Variants in NAALADL2 observed in about 807,000 individuals in gnomAD.
The protein encoded by NAALADL2 is inactive N-acetylated-alpha-linked acidic dipeptidase-like protein 2.
A neutral mutation model predicts 87.2 loss-of-function variants in NAALADL2; 76 were observed. The observed-to-expected ratio is 0.87, with a 90% confidence interval of 0.72 to 1.05. The LOEUF (loss-of-function observed/expected upper bound fraction) is 1.05. NAALADL2 is among the 50% of genes least tolerant of loss of function. NAALADL2 has a pLI of 0.00. For missense variants in NAALADL2, 1,089 were observed against 945.8 expected, an observed-to-expected ratio of 1.15 and a Z score of -1.99; for synonymous variants, 354 against 331.0, an observed-to-expected ratio of 1.07 and a Z score of -0.75.
At chr3:174,679,194 G>C (rs1215976625) in intron 2 of NAALADL2, among the ~76,000 whole-genome samples, 1 of 151,944 alleles carries the variant, frequency 6.6e-6, no homozygotes, top group Non-Finnish European at 1.5e-5. Context: ...TCTTCACCCT[G>C]TAAGTCTGAA....
chr3:174,750,107 ATTGT>A (rs1223588571), intron 3 of NAALADL2, among the ~76,000 whole-genome samples: 1 of 152,136 alleles, frequency 6.6e-6, no homozygotes. Context: ...AGTAATTACT[ATTGT>A]TTGTTTTATA....
intron 2 of NAALADL2, among the ~76,000 whole-genome samples, chr3:174,615,297 T>A (rs1720347592): frequency 6.6e-6 from 1 of 152,192 alleles, no homozygotes; most frequent in South Asian, 2.1e-4. Context: ...TAGAGAGCCG[T>A]CTTCTAGTGA....
chr3:175,031,304 T>G (rs2108913100), intron 1 of NAALADL2, among the ~76,000 whole-genome samples: 1 of 152,088 alleles, frequency 6.6e-6, no homozygotes, highest in East Asian at 1.9e-4. Context: ...GAGTCCCCAG[T>G]GTCTATTGTT....
intron 2 of NAALADL2, among the ~76,000 whole-genome samples, chr3:175,161,294 C>A (rs1733167901): frequency 6.6e-6 from 1 of 151,300 alleles, no homozygotes. Context: ...ATAAGTAGCT[C>A]ACAAAGTCAA....
At chr3:175,658,983 G>A (rs1008099363) in intron 11 of NAALADL2, among the ~76,000 whole-genome samples, 3 of 151,996 alleles carry the variant, frequency 2.0e-5, no homozygotes, top group Admixed American at 6.5e-5. Flanking sequence ...GCATTTACAT[G>A]CTAAGGCTAA....
chr3:175,628,896 A>G (rs1006866835), intron 11 of NAALADL2, among the ~76,000 whole-genome samples: 3 of 150,282 alleles, frequency 2.0e-5, no homozygotes, highest in Non-Finnish European at 4.5e-5. Flanking sequence ...AAGAGTTTGA[A>G]TTACATTTTA....
chr3:175,388,422 CAG>C (rs1035288767), intron 5 of NAALADL2, among the ~76,000 whole-genome samples: 86 of 152,150 alleles, frequency 5.7e-4, no homozygotes, highest in Middle Eastern at 3.4e-3. Context: ...TTTAAAATTT[CAG>C]TAAGTATACA....
intron 1 of NAALADL2, among the ~76,000 whole-genome samples, chr3:174,898,578 C>G (rs1179736054): frequency 6.6e-6 from 1 of 151,772 alleles, no homozygotes; most frequent in Non-Finnish European, 1.5e-5. Flanking sequence ...GTACTTATTT[C>G]CAATTGCGTG....
At chr3:175,162,187 T>G (rs1733328158) in intron 2 of NAALADL2, among the ~76,000 whole-genome samples, 1 of 152,178 alleles carries the variant, frequency 6.6e-6, no homozygotes, top group African/African-American at 2.4e-5. Context: ...CTTCTCTCTC[T>G]TTCTTAACCA....
At chr3:174,850,657 A>G (rs535166439) in intron 3 of NAALADL2, among the ~76,000 whole-genome samples, 37 of 152,308 alleles carry the variant, frequency 2.4e-4, no homozygotes, top group African/African-American at 8.9e-4. Flanking sequence ...AGACCCCAAT[A>G]CAATAATAGC....
At chr3:175,004,853 T>C (rs1055105809) in intron 1 of NAALADL2, among the ~76,000 whole-genome samples, 9 of 150,646 alleles carry the variant, frequency 6.0e-5, no homozygotes, top group Non-Finnish European at 8.8e-5. Flanking sequence ...ATTGTGTATA[T>C]GCAAATATTC....
intron 2 of NAALADL2, among the ~76,000 whole-genome samples, chr3:174,664,830 G>C (rs181199803): frequency 6.6e-6 from 1 of 152,280 alleles, no homozygotes; most frequent in African/African-American, 2.4e-5. Flanking sequence ...CATTATACAT[G>C]CCAAATGATC....
chr3:175,424,688 C>A (rs531230336), intron 5 of NAALADL2, among the ~76,000 whole-genome samples: 10 of 152,188 alleles, frequency 6.6e-5, no homozygotes, highest in Admixed American at 2.6e-4. Context: ...TTACTGTAGC[C>A]TTGTAGGATG....
chr3:175,754,927 A>C (rs1166093322), intron 12 of NAALADL2, among the ~76,000 whole-genome samples: 1 of 152,224 alleles, frequency 6.6e-6, no homozygotes, highest in African/African-American at 2.4e-5. Flanking sequence ...AACTTAATTT[A>C]GTAAAATATA....
intron 9 of NAALADL2, among the ~76,000 whole-genome samples, chr3:175,536,367 T>C (rs1002472522): frequency 6.6e-6 from 1 of 152,170 alleles, no homozygotes; most frequent in Non-Finnish European, 1.5e-5. Context: ...ACCTAACATA[T>C]GACCCCCAAT....
chr3:174,770,639 G>C (rs1714414377), intron 3 of NAALADL2, among the ~76,000 whole-genome samples: 1 of 152,062 alleles, frequency 6.6e-6, no homozygotes, highest in Non-Finnish European at 1.5e-5. Context: ...AGGAGATCGA[G>C]ACCATCCTGG....
intron 2 of NAALADL2, among the ~76,000 whole-genome samples, chr3:174,625,423 T>A (rs13059450): frequency 0.38 from 57,832 of 151,792 alleles, 11,780 homozygotes; most frequent in Middle Eastern, 0.51. Context: ...ACTTTCTATG[T>A]TAATCATATT....
chr3:174,673,879 C>T (rs890426915), intron 2 of NAALADL2, among the ~76,000 whole-genome samples: 4 of 151,928 alleles, frequency 2.6e-5, no homozygotes, highest in South Asian at 2.1e-4. Context: ...TTGATCATTA[C>T]ACAATGTATG....
intron 5 of NAALADL2, among the ~76,000 whole-genome samples, chr3:175,397,928 T>G (rs1346183756): frequency 6.6e-6 from 1 of 152,126 alleles, no homozygotes; most frequent in East Asian, 1.9e-4. Flanking sequence ...ATCCCTGCCA[T>G]GTTATTAACA....
Sources: gnomAD v4.1 joint callset for allele counts (sites outside exome capture counted in the v4.1 genomes callset) on GRCh38, gnomAD v4.1.1 for gene constraint, MANE v1.5 for transcripts, NCBI Gene and HGNC (gene_info 2026-07-23, HGNC 2026-07-21) for gene names.